The following TMEM131L variants were observed in gnomAD, a reference collection of about 807,000 sequenced individuals.
The protein encoded by TMEM131L is transmembrane protein 131-like.
In TMEM131L, 54 loss-of-function variants were observed where a neutral mutation model predicts 192.2. The ratio of observed to expected loss-of-function variants is 0.28; its 90% CI spans 0.23 to 0.35. The LOEUF is 0.35. Ranked by LOEUF, TMEM131L falls within the 10% of genes least tolerant of loss-of-function variation. The pLI is 1.00. For missense variants in TMEM131L, 1,888 were observed against 1,972.9 expected (o/e 0.96, Z 0.82); for synonymous variants, 701 against 704.9 (o/e 0.99, Z 0.09).
intron 3 of TMEM131L, among the ~76,000 whole-genome samples, chr4:153,517,008 G>A (rs975111683): frequency 6.6e-6 from 1 of 151,938 alleles, no homozygotes; most frequent in African/African-American, 2.4e-5. Flanking sequence ...TGTATTTTTA[G>A]TAGAGATGGG....
Position 153,583,626 on chromosome 4 carries a change from T to C in TMEM131L, c.1014T>C (p.Pro338=). 1 of 1,610,346 alleles carries C rather than the reference T, an allele frequency of 6.2e-7. No homozygotes were observed. ...LSLQFEPVLL[P]TSTTNFTKIA... ...TGCAGTTTGAACCAGTACTACTACCTACTTCTACAACAAACTTTACAAAAA... is the reference window on the plus strand; with the variant it reads ...TGCAGTTTGAACCAGTACTACTACCCACTTCTACAACAAACTTTACAAAAA... The change falls in exon 11 of 35, where the codon CCT becomes CCC. Residue 338 remains proline (P), a synonymous_variant. Coordinates refer to ENST00000409959, the MANE Select transcript of TMEM131L (RefSeq NM_001131007.2).
At chr4:153,559,839 G>A (rs1049482495) in intron 7 of TMEM131L, among the ~76,000 whole-genome samples, 39 of 151,840 alleles carry the variant, frequency 2.6e-4, no homozygotes, top group African/African-American at 7.7e-4. Flanking sequence ...ACCAAATCCC[G>A]CTTATGGCTG....
At chr4:153,487,723 A>T (rs199533757) in intron 3 of TMEM131L, among the ~76,000 whole-genome samples, 12,310 of 96,962 alleles carry the variant, frequency 0.13, 1,362 homozygotes, top group African/African-American at 0.38. Flanking sequence ...TGTGTGTGAG[A>T]GAGAGAGAGA....
chr4:153,497,043 G>A (rs537997502), intron 3 of TMEM131L, among the ~76,000 whole-genome samples: 1 of 151,372 alleles, frequency 6.6e-6, no homozygotes, highest in Non-Finnish European at 1.5e-5. Context: ...GTGTTTTTTT[G>A]TAGAAATGGG....
intron 3 of TMEM131L, among the ~76,000 whole-genome samples, chr4:153,477,310 T>G (rs1731610249): frequency 6.6e-6 from 1 of 151,992 alleles, no homozygotes; most frequent in East Asian, 1.9e-4. Context: ...GCAGGTAGAG[T>G]TGATACCACT....
At chr4:153,568,937 G>C (rs1729405593) in intron 7 of TMEM131L, among the ~76,000 whole-genome samples, 1 of 152,210 alleles carries the variant, frequency 6.6e-6, no homozygotes, top group Admixed American at 6.5e-5. Context: ...TCTCCCCTAG[G>C]GTAGACTTTG....
At chr4:153,496,368 A>C (rs1236978468) in intron 3 of TMEM131L, among the ~76,000 whole-genome samples, 1 of 152,202 alleles carries the variant, frequency 6.6e-6, no homozygotes, top group East Asian at 1.9e-4. Flanking sequence ...CCACTGAGGC[A>C]CAGGGATAGT....
At chr4:153,483,560 C>T (rs1002298288) in intron 3 of TMEM131L, among the ~76,000 whole-genome samples, 6 of 152,028 alleles carry the variant, frequency 3.9e-5, no homozygotes, top group African/African-American at 1.2e-4. Context: ...AAAAGTGGGG[C>T]GTGGTGATGT....
At chr4:153,545,878 T>C (rs1737137248) in intron 3 of TMEM131L, among the ~76,000 whole-genome samples, 1 of 152,080 alleles carries the variant, frequency 6.6e-6, no homozygotes, top group Non-Finnish European at 1.5e-5. Context: ...CTTATCCTCG[T>C]GCCTTTCTCC....
At chr4:153,501,052 T>G (rs1733570234) in intron 3 of TMEM131L, among the ~76,000 whole-genome samples, 2 of 152,244 alleles carry the variant, frequency 1.3e-5, no homozygotes, top group South Asian at 4.1e-4. Flanking sequence ...AGTGGAAGAT[T>G]AACAGGGTAC....
At chr4:153,489,614 G>T (rs1317649848) in intron 3 of TMEM131L, among the ~76,000 whole-genome samples, 1 of 151,978 alleles carries the variant, frequency 6.6e-6, no homozygotes, top group Non-Finnish European at 1.5e-5. Flanking sequence ...AGTAGCTGGG[G>T]TTACAGGCAT....
At chr4:153,542,767 TGTAA>T (rs1412078546) in intron 3 of TMEM131L, among the ~76,000 whole-genome samples, 1 of 152,102 alleles carries the variant, frequency 6.6e-6, no homozygotes, top group African/African-American at 2.4e-5. Context: ...ATTCTTTTCA[TGTAA>T]GTAAGTGGAG....
At chr4:153,522,320 A>T (rs138310438) in intron 3 of TMEM131L, among the ~76,000 whole-genome samples, 1 of 152,250 alleles carries the variant, frequency 6.6e-6, no homozygotes, top group Non-Finnish European at 1.5e-5. Context: ...AGTTGGTAGG[A>T]AATAGGTGTC....
chr4:153,632,832 A>T lies in TMEM131L; in HGVS notation c.4322A>T (p.His1441Leu). 1 of 1,614,162 alleles carries T rather than the reference A, an allele frequency of 6.2e-7. No individual in the cohort carries two copies. The highest frequency in any genetic ancestry group is 8.5e-7 in the Non-Finnish European group (1 of 1,180,006). The part of the protein sequence containing the change: ...PCVIQESAPV[H>L]NSFIDWSATC... ...GTGATTCAGGAGTCGGCCCCGGTTCATAATAGGTACAGCTTCACTTCTCTG... is the reference window on the plus strand; with the variant it reads ...GTGATTCAGGAGTCGGCCCCGGTTCTTAATAGGTACAGCTTCACTTCTCTG... Residue 1441 changes from histidine to leucine, a missense_variant, in exon 32 of 35, where the codon CAT becomes CTT. Coordinates refer to ENST00000409959, the MANE Select transcript of TMEM131L (RefSeq NM_001131007.2).
chr4:153,542,310 A>G (rs1430497101), intron 3 of TMEM131L, among the ~76,000 whole-genome samples: 1 of 152,208 alleles, frequency 6.6e-6, no homozygotes, highest in Non-Finnish European at 1.5e-5. Flanking sequence ...AGGGAGAGCC[A>G]TTCAAGAGAG....
At position 153,604,015 on chromosome 4, in the gene TMEM131L, T is replaced by C; in HGVS notation, c.3003T>C (p.Thr1001=). The stretch of plus-strand genomic sequence containing the variant: ...CTGCGGCCAGCAGCACCAGCACGAC[T>C]ACTGAGGAAAAACAGACTTCACCCC... ...STAAASSTST[T]TEEKQTSPLG... Residue 1001 remains threonine (T), a synonymous_variant, in exon 25 of 35, where the codon ACT becomes ACC. Transcript: ENST00000409959. 1.2e-6 allele frequency: 2 copies of C among 1,614,106 alleles called. No homozygotes were observed. The highest frequency in any genetic ancestry group is 1.1e-5 in the South Asian group (1 of 91,082).
At chr4:153,616,884 G>A (rs1733010519) in intron 26 of TMEM131L, among the ~76,000 whole-genome samples, 1 of 152,104 alleles carries the variant, frequency 6.6e-6, no homozygotes, top group South Asian at 2.1e-4. Flanking sequence ...TCCTGCAGTT[G>A]GACATTAAGA....
Position 153,585,462 on chromosome 4 carries a change from T to G in TMEM131L, c.1162T>G (p.Phe388Val). Reference sequence around the variant, plus strand: ...ATGCATGTCGTCTGTTCACAGGTATTTTAGAATGGACTCTTCTGCAACCCA... The same window carrying G: ...ATGCATGTCGTCTGTTCACAGGTATGTTAGAATGGACTCTTCTGCAACCCA... ...CLFSSVAQGY[F>V]RMDSSATQFH... is the part of the protein sequence containing the mutation. Residue 388 changes from phenylalanine to valine, a missense_variant, in exon 13 of 35, where the codon TTT (phenylalanine) becomes GTT (valine). Physicochemically the swap from Phe to Val is conservative, Grantham distance 50 (BLOSUM62 -1). Coordinates refer to ENST00000409959, the MANE Select transcript of TMEM131L (RefSeq NM_001131007.2). 1 of 1,613,888 alleles carries G rather than the reference T, an allele frequency of 6.2e-7. No individual in the cohort carries two copies. The highest frequency in any genetic ancestry group is 8.5e-7 in the Non-Finnish European group (1 of 1,179,914).
chr4:153,555,760 G>T lies in TMEM131L; in HGVS notation c.309-27G>T. On this transcript the variant is annotated intron_variant, in intron 4 of 34. Transcript: ENST00000409959. The surrounding 1 kb of genome is among the most constrained non-coding windows in gnomAD (Gnocchi z 4.1). ...AATATTTATAACCACACAATACATT[G>T]ATTTTTCTCTTTGTTTCTCCTCCTA... The T allele has an allele frequency of 6.5e-7, 1 of 1,542,130 alleles. No homozygotes were observed. The highest frequency in any genetic ancestry group is 8.8e-7 in the Non-Finnish European group (1 of 1,138,902).
Sources: allele counts gnomAD v4.1 joint callset (sites outside exome capture counted in the v4.1 genomes callset), GRCh38; gene constraint gnomAD v4.1.1; non-coding constraint Gnocchi (gnomAD v3.1); transcripts MANE v1.5; gene names NCBI Gene and HGNC (gene_info 2026-07-23, HGNC 2026-07-21).